Variants in PPARD observed in about 807,000 individuals in gnomAD.
PPARD encodes the protein peroxisome proliferator-activated receptor delta.
PPARD carries 6 observed loss-of-function variants against 39.5 expected under a neutral mutation model. The observed-to-expected ratio is 0.15, with a 90% CI of 0.08 to 0.30. The LOEUF is 0.30. PPARD is among the 10% of genes least tolerant of loss of function. The pLI, the probability that PPARD is intolerant of heterozygous loss-of-function variation, is 1.00. For missense variants in PPARD, 397 were observed against 596.8 expected, an observed-to-expected ratio of 0.67 and a Z score of 3.49; for synonymous variants, 210 against 231.3, an observed-to-expected ratio of 0.91 and a Z score of 0.83.
chr6:35,405,010 C>T (rs1301093451), intron 2 of PPARD, among the ~76,000 whole-genome samples: 7 of 143,894 alleles, frequency 4.9e-5, no homozygotes, highest in Non-Finnish European at 9.1e-5. Flanking sequence ...TACACACATA[C>T]ATATATGTCA....
intron 2 of PPARD, among the ~76,000 whole-genome samples, chr6:35,352,463 C>T (rs1453099535): frequency 2.0e-5 from 3 of 152,158 alleles, no homozygotes; most frequent in Non-Finnish European, 2.9e-5. Flanking sequence ...GGATTACAGG[C>T]GTGAGCCACC....
chr6:35,356,521 ACT>A (rs964807548), intron 2 of PPARD, among the ~76,000 whole-genome samples: 4 of 152,080 alleles, frequency 2.6e-5, no homozygotes, highest in Admixed American at 2.0e-4. Flanking sequence ...ATAGCTGTTG[ACT>A]CTCTTTGCCT....
At position 35,394,018 on chromosome 6, in the gene PPARD, A is replaced by T. The variant is rs189481448; in HGVS notation, c.-101-16969A>T. Among the ~76,000 whole-genome samples, 167 of 152,312 alleles carry T rather than the reference A, an allele frequency of 1.1e-3. 5 individuals are homozygous for T. Among genetic ancestry groups the T allele is most frequent in the Middle Eastern group, 6.8e-3 (2 of 294 alleles). ...CATTTACAAGACTCCTGACTCTTCTACTCCACTTTATTACAAAAGATGTTG... is the reference window on the plus strand; with the variant it reads ...CATTTACAAGACTCCTGACTCTTCTTCTCCACTTTATTACAAAAGATGTTG... On this transcript the variant is annotated intron_variant, in intron 2 of 7. Transcript: ENST00000360694.
Position 35,366,619 on chromosome 6 carries a change from G to A in PPARD, c.-102+19469G>A, listed in dbSNP as rs147904449. ...GGCTGGAGTGCAGTGGCATGATCTC[G>A]GCTCACTGCAACCTCTGCCTCCCGG... On this transcript the variant is annotated intron_variant, in intron 2 of 7. Coordinates refer to ENST00000360694, the MANE Select transcript of PPARD (RefSeq NM_006238.5). The surrounding 1 kb of genome is among the most constrained non-coding windows in gnomAD (Gnocchi z 4.6). Among the ~76,000 whole-genome samples, 1,504 of 150,454 alleles carry A rather than the reference G, an allele frequency of 1.0e-2. 43 individuals are homozygous for A. The highest frequency in any genetic ancestry group is 0.034 in the African/African-American group (1,387 of 40,204).
intron 2 of PPARD, among the ~76,000 whole-genome samples, chr6:35,390,874 T>A (rs1763965294): frequency 6.6e-6 from 1 of 151,836 alleles, no homozygotes; most frequent in Non-Finnish European, 1.5e-5. Flanking sequence ...ATAAAAAAAA[T>A]TAGCCAGCAT....
intron 2 of PPARD, among the ~76,000 whole-genome samples, chr6:35,382,522 T>C (rs1279728760): frequency 6.6e-6 from 1 of 152,256 alleles, no homozygotes; most frequent in African/African-American, 2.4e-5. Context: ...TAGACATTGA[T>C]ATTCCTTCTT....
At chr6:35,410,897 T>A in intron 2 of PPARD, 90 bp from the exon 3 acceptor site, 1 of 1,244,574 alleles carries the variant, frequency 8.0e-7, no homozygotes, top group Non-Finnish European at 1.0e-6. Context: ...ACCCCCTCCA[T>A]GACAGCAGCC....
At chr6:35,380,481 T>TG (rs1763091215) in intron 2 of PPARD, among the ~76,000 whole-genome samples, 8 of 111,420 alleles carry the variant, frequency 7.2e-5, no homozygotes, top group African/African-American at 3.9e-4. Context: ...TGTTTGTTTT[T>TG]TTTTTTTTTT....
At position 35,366,489 on chromosome 6, in the gene PPARD, G is replaced by A. The variant is rs1031233640; in HGVS notation, c.-102+19339G>A. 2.0e-5 allele frequency among the ~76,000 whole-genome samples: 3 copies of A among 151,608 alleles called. No individual in the cohort carries two copies. Among genetic ancestry groups the A allele is most frequent in the Non-Finnish European group, 4.4e-5 (3 of 68,024 alleles). On this transcript the variant is annotated intron_variant, in intron 2 of 7. Coordinates refer to ENST00000360694, the MANE Select transcript of PPARD (RefSeq NM_006238.5). The surrounding 1 kb of genome is among the most constrained non-coding windows in gnomAD (Gnocchi z 4.6). ...CAAAATGGAGAGAGATACACAGGCA[G>A]AGGCCTAGATTAGGAGATGGCTATA...
At chr6:35,406,833 CT>C (rs1264692931) in intron 2 of PPARD, among the ~76,000 whole-genome samples, 2 of 152,212 alleles carry the variant, frequency 1.3e-5, no homozygotes, top group Non-Finnish European at 2.9e-5. Flanking sequence ...TGAGGCTCTG[CT>C]GAGTAACACG....
chr6:35,385,665 A>C (rs951047208), intron 2 of PPARD, among the ~76,000 whole-genome samples: 17 of 150,578 alleles, frequency 1.1e-4, no homozygotes, highest in Admixed American at 5.3e-4. Context: ...AAAAAAAAAA[A>C]AACAAATGGG....
At chr6:35,361,047 C>G (rs904386834) in intron 2 of PPARD, among the ~76,000 whole-genome samples, 1 of 152,178 alleles carries the variant, frequency 6.6e-6, no homozygotes, top group Non-Finnish European at 1.5e-5. Flanking sequence ...AGCCACACTT[C>G]TCATTTCTTT....
At chr6:35,343,052 C>G (rs1278176626) in intron 1 of PPARD, among the ~76,000 whole-genome samples, 1 of 152,176 alleles carries the variant, frequency 6.6e-6, no homozygotes, top group Non-Finnish European at 1.5e-5. Flanking sequence ...TCTCCCATTC[C>G]CCTCCCCTGC....
intron 2 of PPARD, among the ~76,000 whole-genome samples, chr6:35,378,128 C>A (rs1247173684): frequency 6.6e-6 from 1 of 152,082 alleles, no homozygotes; most frequent in Non-Finnish European, 1.5e-5. Flanking sequence ...TCCCAAAGTG[C>A]TGGGATTACA....
At chr6:35,356,688 C>T (rs1305090308) in intron 2 of PPARD, among the ~76,000 whole-genome samples, 1 of 152,174 alleles carries the variant, frequency 6.6e-6, no homozygotes, top group Non-Finnish European at 1.5e-5. Flanking sequence ...ACACTCTTCT[C>T]CCCTCCCCAG....
At chr6:35,407,576 TG>T (rs1215318438) in intron 2 of PPARD, among the ~76,000 whole-genome samples, 1 of 152,052 alleles carries the variant, frequency 6.6e-6, no homozygotes, top group Non-Finnish European at 1.5e-5. Flanking sequence ...GACGAGTTAA[TG>T]GGTGCAGCAC....
intron 4 of PPARD, 116 bp from the exon 5 acceptor site, chr6:35,421,704 C>A: frequency 8.5e-7 from 1 of 1,173,102 alleles, no homozygotes; most frequent in Admixed American, 2.7e-5. Flanking sequence ...AAAAAAATTT[C>A]TTCTCGTTAC....
intron 2 of PPARD, among the ~76,000 whole-genome samples, chr6:35,403,597 C>T (rs9658124): frequency 0.015 from 2,262 of 152,232 alleles, 72 homozygotes; most frequent in African/African-American, 0.049. Context: ...TGCCAGGCAC[C>T]GTGCCAGGTG....
At chr6:35,356,615 G>A (rs989448459) in intron 2 of PPARD, among the ~76,000 whole-genome samples, 2 of 152,106 alleles carry the variant, frequency 1.3e-5, no homozygotes, top group Non-Finnish European at 2.9e-5. Context: ...CTCTTGTATG[G>A]GCTGTTTGTG....
Sources: allele counts gnomAD v4.1 joint callset (sites outside exome capture counted in the v4.1 genomes callset), GRCh38; gene constraint gnomAD v4.1.1; non-coding constraint Gnocchi (gnomAD v3.1); transcripts MANE v1.5; gene names NCBI Gene and HGNC (gene_info 2026-07-23, HGNC 2026-07-21).